HHLA1: variants seen among roughly 807,000 people sequenced by gnomAD.
The protein encoded by HHLA1 is HHLA1 neighbor of OC90.
A neutral mutation model predicts 69.9 loss-of-function variants in HHLA1; 72 were observed. The observed-to-expected ratio is 1.03, with a 90% CI of 0.85 to 1.25. The LOEUF is 1.25. HHLA1 is among the 50% of genes most tolerant of loss of function. The pLI is 0.00. For missense variants in HHLA1, 685 were observed against 642.2 expected (o/e 1.07, Z -0.72); for synonymous variants, 252 against 233.2 (o/e 1.08, Z -0.73).
rs1044548260 is a variant in HHLA1, at chr8:132,061,637, A to G, written c.*2358T>C. The G allele has an allele frequency of 3.3e-5, 5 of 152,272 alleles. No individual in the cohort carries two copies. The highest frequency in any genetic ancestry group is 4.4e-5 in the Non-Finnish European group (3 of 68,092). The allele number at this position is 152,272 out of a possible 1,614,324, so 9.4% of individuals were successfully genotyped here. A position where few individuals can be genotyped will look rare whatever the true frequency, so the allele number is the denominator to read the frequency against. Reference sequence around the variant, plus strand: ...CACTAATTAGTAGGAGTTCCAGATCAGTAGCACCCCCTGAGGCTTTCTTAT... The same window carrying G: ...CACTAATTAGTAGGAGTTCCAGATCGGTAGCACCCCCTGAGGCTTTCTTAT... On this transcript the variant is annotated 3_prime_UTR_variant, in exon 17 of 17. Coordinates refer to ENST00000414222, the MANE Select transcript of HHLA1 (RefSeq NM_001145095.3).
intron 2 of HHLA1, 49 bp downstream of exon 2, chr8:132,105,138 C>A: frequency 7.2e-7 from 1 of 1,388,304 alleles, no homozygotes; most frequent in Non-Finnish European, 1.0e-6. Context: ...AGTGAATACT[C>A]CAACTTATTA....
chr8:132,105,355 C>T (rs1253668038), intron 1 of HHLA1, 69 bp from the exon 2 acceptor site: 18 of 967,568 alleles, frequency 1.9e-5, no homozygotes, highest in African/African-American at 6.5e-5. Flanking sequence ...GAGAACAGTG[C>T]GTGAGGAATC....
chr8:132,088,160 T>C (rs934034432), intron 8 of HHLA1, among the ~76,000 whole-genome samples: 4 of 152,216 alleles, frequency 2.6e-5, no homozygotes, highest in Non-Finnish European at 5.9e-5. Context: ...TTACTAGCTA[T>C]GCAAACATGA....
chr8:132,098,319 A>T (rs1020917785), intron 5 of HHLA1, among the ~76,000 whole-genome samples: 2 of 152,222 alleles, frequency 1.3e-5, no homozygotes, highest in Admixed American at 6.5e-5. Context: ...ATATTAACTT[A>T]ATCAATGAGT....
At chr8:132,083,719 A>C (rs1158752521) in intron 10 of HHLA1, among the ~76,000 whole-genome samples, 5 of 151,970 alleles carry the variant, frequency 3.3e-5, no homozygotes, top group Non-Finnish European at 7.4e-5. Flanking sequence ...CTGTGGGAGG[A>C]GGTTCTGGAG....
intron 15 of HHLA1, chr8:132,069,870 A>G (rs1264317149): frequency 6.5e-6 from 1 of 152,988 alleles, no homozygotes; most frequent in African/African-American, 2.4e-5. Flanking sequence ...TAAGTTAATG[A>G]GTAAAGGATC....
rs1824183134 is a variant in HHLA1, at chr8:132,105,175, A to G, written c.79+12T>C. ...ACAGAACAGACACTTGCAGAACTCCAGCTAGACCCACCTGTGTTCCAAAGG... is the reference window on the plus strand; with the variant it reads ...ACAGAACAGACACTTGCAGAACTCCGGCTAGACCCACCTGTGTTCCAAAGG... On this transcript the variant is annotated intron_variant, in intron 2 of 16. Coordinates refer to ENST00000414222, the MANE Select transcript of HHLA1 (RefSeq NM_001145095.3). 1.9e-6 allele frequency: 3 copies of G among 1,546,922 alleles called. No homozygotes were observed. Among genetic ancestry groups the G allele is most frequent in the Non-Finnish European group, 2.6e-6 (3 of 1,142,414 alleles).
At chr8:132,084,326 T>C (rs1477501901) in intron 10 of HHLA1, among the ~76,000 whole-genome samples, 1 of 151,958 alleles carries the variant, frequency 6.6e-6, no homozygotes, top group Non-Finnish European at 1.5e-5. Flanking sequence ...CAGATGGGTC[T>C]GTAGAAAAGG....
chr8:132,094,277 A>G (rs895604062), intron 7 of HHLA1, among the ~76,000 whole-genome samples: 2 of 152,234 alleles, frequency 1.3e-5, no homozygotes, highest in African/African-American at 4.8e-5. Context: ...GTATTTAACA[A>G]GCAGCCAGAA....
At chr8:132,089,456 T>C (rs1225265622) in intron 8 of HHLA1, 60 bp downstream of exon 8, 1 of 902,012 alleles carries the variant, frequency 1.1e-6, no homozygotes, top group Non-Finnish European at 1.8e-6. Flanking sequence ...TATGCTTCAT[T>C]ATCTACCACA....
chr8:132,089,510 A>G lies in HHLA1; in HGVS notation c.532+6T>C. 1.4e-6 allele frequency: 2 copies of G among 1,470,368 alleles called. No individual in the cohort carries two copies. Among genetic ancestry groups the G allele is most frequent in the Non-Finnish European group, 1.9e-6 (2 of 1,072,674 alleles). 91.1% of individuals were successfully genotyped at this position (1,470,368 alleles called of 1,614,324 possible). ...AGTTGCCAAAGCGTTTTCAAGATGA[A>G]CACACCTGAGAGGATGGAGGTTGAC... On this transcript the variant is annotated splice_donor_region_variant and intron_variant, in intron 8 of 16. Coordinates refer to ENST00000414222, the MANE Select transcript of HHLA1 (RefSeq NM_001145095.3).
intron 14 of HHLA1, among the ~76,000 whole-genome samples, chr8:132,074,448 A>G (rs1823600681): frequency 6.6e-6 from 1 of 152,180 alleles, no homozygotes; most frequent in Non-Finnish European, 1.5e-5. Context: ...TGTAGAACTC[A>G]CCATAATTCC....
chr8:132,067,751 C>G (rs895878514), intron 15 of HHLA1, among the ~76,000 whole-genome samples: 1 of 152,334 alleles, frequency 6.6e-6, no homozygotes, highest in East Asian at 1.9e-4. Context: ...GAGACTGCTG[C>G]TACCCTTTTA....
At chr8:132,064,086 A>C in intron 16 of HHLA1, 48 bp from the exon 17 acceptor site, 1 of 1,195,166 alleles carries the variant, frequency 8.4e-7, no homozygotes. Context: ...TGAGATATAA[A>C]CACTGTAGAG....
intron 10 of HHLA1, among the ~76,000 whole-genome samples, chr8:132,083,742 G>A (rs1263573440): frequency 1.1e-4 from 17 of 152,306 alleles, no homozygotes; most frequent in Admixed American, 2.6e-4. Flanking sequence ...ACGCCTGGCC[G>A]CTGCGGTTCG....
At chr8:132,105,333 A>T in intron 1 of HHLA1, 47 bp from the exon 2 acceptor site, 1 of 1,197,744 alleles carries the variant, frequency 8.3e-7, no homozygotes, top group Non-Finnish European at 1.2e-6. Context: ...ACATGGATGC[A>T]GACCTTCCTT....
intron 13 of HHLA1, 74 bp downstream of exon 13, chr8:132,076,401 C>T (rs998464645): frequency 4.4e-5 from 46 of 1,045,680 alleles, no homozygotes; most frequent in South Asian, 1.7e-4. Context: ...CATCCCACCA[C>T]GCCCTTGTCC....
chr8:132,091,023 T>C (rs1823938994), intron 7 of HHLA1, among the ~76,000 whole-genome samples: 1 of 152,210 alleles, frequency 6.6e-6, no homozygotes, highest in African/African-American at 2.4e-5. Context: ...CCTCCTTCTC[T>C]GTCTCTTTAG....
intron 3 of HHLA1, 88 bp downstream of exon 3, chr8:132,104,020 C>G: frequency 1.2e-6 from 1 of 851,696 alleles, no homozygotes. Flanking sequence ...TAATCGCTGT[C>G]TTATCAGTAG....
Sources: allele counts gnomAD v4.1 joint callset (sites outside exome capture counted in the v4.1 genomes callset), GRCh38; gene constraint gnomAD v4.1.1; transcripts MANE v1.5; gene names NCBI Gene and HGNC (gene_info 2026-07-23, HGNC 2026-07-21).